The following PAH variants were observed in gnomAD, a reference collection of about 807,000 sequenced individuals.
PAH encodes the protein phenylalanine hydroxylase.
PAH carries 64 observed loss-of-function variants against 62.0 expected under a neutral mutation model. That is an observed-to-expected ratio of 1.03 (90% CI 0.84 to 1.27). The LOEUF (loss-of-function observed/expected upper bound fraction) is 1.27. PAH is among the 50% of genes most tolerant of loss of function. The pLI is 0.00. For synonymous variants in PAH, 195 were observed against 196.2 expected, an observed-to-expected ratio of 0.99 and a Z score of 0.05; for missense variants, 579 against 542.8, an observed-to-expected ratio of 1.07 and a Z score of -0.66.
intron 5 of PAH, among the ~76,000 whole-genome samples, chr12:102,862,258 G>A (rs1875762168): frequency 6.6e-6 from 1 of 152,156 alleles, no homozygotes; most frequent in Admixed American, 6.5e-5. Context: ...CAGGAACATG[G>A]ATGGAGCTGG....
At chr12:102,956,165 G>A (rs891948084) in intron 1 of PAH, among the ~76,000 whole-genome samples, 1 of 152,184 alleles carries the variant, frequency 6.6e-6, no homozygotes, top group Non-Finnish European at 1.5e-5. Context: ...CCTGCACCCA[G>A]ATCTCGGATT....
In PAH at chr12:102,853,020, G is replaced by C. The variant is rs1380222258; in HGVS notation, c.707-70C>G. ...AGTCAGAGGCACTAGGAGACCTTTA[G>C]GTAGTGGAGTAGTACACATAACTGC... is the stretch of plus-strand genomic sequence containing the variant. On this transcript the variant is annotated intron_variant, in intron 6 of 12. Transcript: ENST00000553106. The C allele has an allele frequency of 1.3e-5, 20 of 1,552,874 alleles. No individual in the cohort carries two copies. The Admixed American group carries it at 3.6e-4, about 28-fold the overall frequency.
chr12:102,932,329 T>C (rs1373741268), intron 1 of PAH, among the ~76,000 whole-genome samples: 2 of 152,238 alleles, frequency 1.3e-5, no homozygotes, highest in African/African-American at 4.8e-5. Flanking sequence ...ACCATGATTA[T>C]GTGAAACCAT....
At chr12:102,917,341 C>G (rs1392418894), upstream of PAH, 1 of 604,832 alleles carries the variant, frequency 1.7e-6, no homozygotes, top group Non-Finnish European at 3.0e-6. Context: ...GCCGGATGCT[C>G]CAGGTCACCT....
In PAH at chr12:102,852,826, A is replaced by G. The variant is rs773720549; in HGVS notation, c.831T>C (p.Tyr277=). 2.5e-6 allele frequency: 4 copies of G among 1,613,942 alleles called. No homozygotes were observed. Among genetic ancestry groups the G allele is most frequent in the Non-Finnish European group, 3.4e-6 (4 of 1,179,962 alleles). ...QYIRHGSKPM[Y]TPEPDICHEL... is the part of the protein sequence containing the mutation. ...AGGACAGTACTCACGGTTCGGGGGT[A>G]TACATGGGCTTGGATCCATGTCTGA... The change falls in exon 7 of 13, where the codon TAT becomes TAC. Residue 277 remains tyrosine, a synonymous_variant. Transcript: ENST00000553106.
intron 4 of PAH, among the ~76,000 whole-genome samples, chr12:102,873,517 G>A (rs1876443473): frequency 1.3e-5 from 2 of 152,170 alleles, no homozygotes; most frequent in African/African-American, 4.8e-5. Flanking sequence ...GGTTTTTGCT[G>A]AGCAGTTAGC....
chr12:102,950,564 C>T (rs1044814772), intron 1 of PAH: 6 of 152,364 alleles, frequency 3.9e-5, no homozygotes, highest in African/African-American at 1.4e-4. Context: ...GACACGTGGC[C>T]ACACAATGGG....
At chr12:102,893,828 ACTC>A (rs2136700357) in intron 3 of PAH, among the ~76,000 whole-genome samples, 1 of 152,226 alleles carries the variant, frequency 6.6e-6, no homozygotes, top group East Asian at 1.9e-4. Context: ...AGTTTTGACA[ACTC>A]CTATATTAGT....
At chr12:102,909,729 C>A (rs1484130618) in intron 2 of PAH, among the ~76,000 whole-genome samples, 2 of 152,172 alleles carry the variant, frequency 1.3e-5, no homozygotes, top group Non-Finnish European at 2.9e-5. Context: ...GAGGCCAAGG[C>A]AGGCAGATGA....
intron 2 of PAH, among the ~76,000 whole-genome samples, chr12:102,910,926 T>A (rs1878178865): frequency 6.6e-6 from 1 of 151,948 alleles, no homozygotes; most frequent in Non-Finnish European, 1.5e-5. Context: ...TGGGGGGAAG[T>A]TTATATTCTG....
intron 4 of PAH, among the ~76,000 whole-genome samples, chr12:102,875,071 C>T (rs558185698): frequency 7.9e-5 from 12 of 152,214 alleles, no homozygotes; most frequent in Non-Finnish European, 1.3e-4. Context: ...TGGGAAAGCA[C>T]GCTGGAGGGT....
chr12:102,851,039 A>T (rs548536067), intron 8 of PAH, among the ~76,000 whole-genome samples: 2 of 151,526 alleles, frequency 1.3e-5, no homozygotes, highest in South Asian at 4.2e-4. Flanking sequence ...AACCGTGATT[A>T]TACCACTGCA....
chr12:102,875,495 A>G (rs1273184797), intron 4 of PAH, among the ~76,000 whole-genome samples: 1 of 152,214 alleles, frequency 6.6e-6, no homozygotes. Flanking sequence ...TCTGAGAACC[A>G]GTATCTTTGG....
At chr12:102,958,077 C>T (rs1377965242) in intron 1 of PAH, 5 of 474,514 alleles carry the variant, frequency 1.1e-5, no homozygotes, top group African/African-American at 4.1e-5. Flanking sequence ...AGAAGTCTCC[C>T]GGGGATTTTG....
intron 1 of PAH, among the ~76,000 whole-genome samples, chr12:102,923,212 A>C (rs1592993641): frequency 6.6e-6 from 1 of 152,226 alleles, no homozygotes; most frequent in African/African-American, 2.4e-5. Context: ...CAGGGGGTAC[A>C]CACTTGTGGA....
chr12:102,890,950 T>G (rs1915932), intron 3 of PAH, among the ~76,000 whole-genome samples: 68,458 of 151,802 alleles, frequency 0.45, 18,040 homozygotes, highest in African/African-American at 0.73. Flanking sequence ...GGGCGTGGTG[T>G]CATGTGCCTG....
At chr12:102,902,429 C>A (rs141852037) in intron 2 of PAH, among the ~76,000 whole-genome samples, 274 of 152,298 alleles carry the variant, frequency 1.8e-3, no homozygotes, top group African/African-American at 6.4e-3. Context: ...AAGACACATT[C>A]TGGCAGCTGT....
intron 1 of PAH, chr12:102,946,525 TC>T (rs2136769326): frequency 6.6e-6 from 1 of 152,428 alleles, no homozygotes; most frequent in Non-Finnish European, 1.5e-5. Context: ...GGTGTTGCTT[TC>T]CACTATGGCA....
intron 3 of PAH, among the ~76,000 whole-genome samples, chr12:102,893,401 A>AAAAAAT (rs1555207845): frequency 0.016 from 2,374 of 144,408 alleles, 70 homozygotes; most frequent in African/African-American, 0.054. Context: ...ATTCTGTCTA[A>AAAAAAT]AAAAATAAAA....
Sources: allele counts gnomAD v4.1 joint callset (sites outside exome capture counted in the v4.1 genomes callset), GRCh38; gene constraint gnomAD v4.1.1; transcripts MANE v1.5; gene names NCBI Gene and HGNC (gene_info 2026-07-23, HGNC 2026-07-21).